Variants in PIP5K1B observed in about 807,000 individuals in gnomAD.
The protein encoded by PIP5K1B is phosphatidylinositol 4-phosphate 5-kinase type-1 beta.
PIP5K1B carries 42 observed loss-of-function variants against 67.0 expected under a neutral mutation model. That is an observed-to-expected ratio of 0.63 (90% CI 0.49 to 0.81). PIP5K1B has a LOEUF of 0.81. PIP5K1B is among the 30% of genes least tolerant of loss of function. The pLI is 0.00. For synonymous variants in PIP5K1B, 214 were observed against 231.4 expected (o/e 0.92, Z 0.68); for missense variants, 459 against 646.3 (o/e 0.71, Z 3.14).
chr9:68,930,599 AT>A (rs899605853), intron 12 of PIP5K1B, among the ~76,000 whole-genome samples: 20 of 149,452 alleles, frequency 1.3e-4, no homozygotes, highest in African/African-American at 3.2e-4. Flanking sequence ...TTTTATTATT[AT>A]TTTTTTTTTT....
chr9:68,751,861 G>A (rs1285315475), intron 2 of PIP5K1B, among the ~76,000 whole-genome samples: 2 of 152,146 alleles, frequency 1.3e-5, no homozygotes, highest in Admixed American at 1.3e-4. Flanking sequence ...TTACTTTAAA[G>A]TGTTTAGTTT....
intron 14 of PIP5K1B, among the ~76,000 whole-genome samples, chr9:68,989,258 A>G (rs1587769344): frequency 6.6e-6 from 1 of 152,210 alleles, no homozygotes; most frequent in South Asian, 2.1e-4. Flanking sequence ...CAGACGCGGG[A>G]AAGACAGAGA....
intron 14 of PIP5K1B, among the ~76,000 whole-genome samples, chr9:68,954,426 A>T (rs1828270518): frequency 1.3e-5 from 2 of 152,210 alleles, no homozygotes; most frequent in African/African-American, 4.8e-5. Flanking sequence ...CGAAGATTCT[A>T]AGGTTTGCAG....
chr9:68,937,109 G>C (rs544253581), intron 13 of PIP5K1B, among the ~76,000 whole-genome samples: 1 of 152,230 alleles, frequency 6.6e-6, no homozygotes, highest in African/African-American at 2.4e-5. Context: ...TGGTATCAGG[G>C]TGATGCTGGC....
chr9:68,999,058 C>G (rs1202318679), intron 15 of PIP5K1B, among the ~76,000 whole-genome samples: 1 of 152,150 alleles, frequency 6.6e-6, no homozygotes, highest in East Asian at 1.9e-4. Flanking sequence ...CCTTCCCTCC[C>G]TCTTTTAGCC....
At chr9:68,783,082 A>G (rs1831391142) in intron 2 of PIP5K1B, 1 of 166,920 alleles carries the variant, frequency 6.0e-6, no homozygotes, top group Non-Finnish European at 1.5e-5. Flanking sequence ...TTCAGTCTTT[A>G]TACTGCCTCT....
At chr9:68,784,383 AAC>A (rs1458661759) in intron 2 of PIP5K1B, 3 of 167,110 alleles carry the variant, frequency 1.8e-5, no homozygotes, top group Non-Finnish European at 4.4e-5. Context: ...GCTTGTTAAA[AAC>A]ACAGTATAAA....
intron 14 of PIP5K1B, among the ~76,000 whole-genome samples, chr9:68,942,167 G>A (rs886585095): frequency 2.6e-5 from 4 of 152,170 alleles, no homozygotes; most frequent in Admixed American, 2.0e-4. Context: ...TTTAAACCTG[G>A]TATGTAAATT....
chr9:68,708,548 C>CCT (rs56362619), intron 1 of PIP5K1B, among the ~76,000 whole-genome samples: 1 of 148,230 alleles, frequency 6.7e-6, no homozygotes, highest in African/African-American at 2.5e-5. Flanking sequence ...GCCGCCCCCC[C>CCT]GCCCCTTTAG....
intron 2 of PIP5K1B, among the ~76,000 whole-genome samples, chr9:68,812,636 G>A (rs1468569504): frequency 6.6e-6 from 1 of 152,206 alleles, no homozygotes; most frequent in Non-Finnish European, 1.5e-5. Context: ...CTTGGCCATT[G>A]GAATTTCTGC....
In PIP5K1B at chr9:68,732,928, G is replaced by A. The variant is rs540138399; in HGVS notation, c.-242-9573G>A. Reference sequence around the variant, plus strand: ...TGTGGAGGTGGGTTGGGGGGGGGGCGGCGCGGTGGGAGATGATGATGATGA... The same window carrying A: ...TGTGGAGGTGGGTTGGGGGGGGGGCAGCGCGGTGGGAGATGATGATGATGA... On this transcript the variant is annotated intron_variant, in intron 1 of 15. Transcript: ENST00000265382. Among the ~76,000 whole-genome samples, 3 of 146,404 alleles carry A rather than the reference G, an allele frequency of 2.0e-5. No homozygotes were observed. In the East Asian group the frequency reaches 6.1e-4, roughly 30 times the overall value.
chr9:68,932,207 C>T lies in PIP5K1B; in HGVS notation c.1202-2683C>T, dbSNP rs140325035. 2.2e-3 allele frequency among the ~76,000 whole-genome samples: 334 copies of T among 152,212 alleles called. 1 individual carries two copies. The highest frequency in any genetic ancestry group is 7.3e-3 in the African/African-American group (303 of 41,530). ...CCTGATCGCATTTCCTTGGTACTGC[C>T]GAAAACCTTTTGATCATTGCTGTTT... On this transcript the variant is annotated intron_variant, in intron 12 of 15. Transcript: ENST00000265382.
chr9:68,931,976 A>T (rs957951461), intron 12 of PIP5K1B, among the ~76,000 whole-genome samples: 32 of 152,180 alleles, frequency 2.1e-4, no homozygotes, highest in Middle Eastern at 3.2e-3. Flanking sequence ...GAAGAAACTC[A>T]CCACTTGAGA....
intron 6 of PIP5K1B, among the ~76,000 whole-genome samples, chr9:68,887,751 G>A (rs1824551297): frequency 6.6e-6 from 1 of 152,134 alleles, no homozygotes; most frequent in Non-Finnish European, 1.5e-5. Flanking sequence ...GAGGCGGGCA[G>A]GCAGCATCAA....
rs550679334 is a variant in PIP5K1B at position 68,955,959 on chromosome 9, C to A, written c.1502+15169C>A. On this transcript the variant is annotated intron_variant, in intron 14 of 15. Coordinates refer to ENST00000265382, the MANE Select transcript of PIP5K1B (RefSeq NM_003558.4). The stretch of plus-strand genomic sequence containing the variant: ...ACCCATCAACCCTCTACGGTAAGCA[C>A]CAGTGGAGCTGACAAAAGGGACTTG... Among the ~76,000 whole-genome samples the A allele has an allele frequency of 8.5e-5, 13 of 152,274 alleles. No homozygotes were observed. In the South Asian group the frequency reaches 2.7e-3, roughly 32 times the overall value.
intron 2 of PIP5K1B, among the ~76,000 whole-genome samples, chr9:68,753,518 T>TC (rs1829750399): frequency 2.0e-5 from 2 of 98,376 alleles, no homozygotes; most frequent in Non-Finnish European, 4.3e-5. Context: ...TTTGTTTCTT[T>TC]TTTTTTTTTT....
At chr9:68,931,527 C>T (rs1360361461) in intron 12 of PIP5K1B, among the ~76,000 whole-genome samples, 1 of 151,904 alleles carries the variant, frequency 6.6e-6, no homozygotes, top group Non-Finnish European at 1.5e-5. Flanking sequence ...TATGGGTACG[C>T]GGAGAGAAAT....
chr9:68,943,120 TA>T (rs964756942), intron 14 of PIP5K1B, among the ~76,000 whole-genome samples: 44 of 152,218 alleles, frequency 2.9e-4, no homozygotes, highest in African/African-American at 9.6e-4. Flanking sequence ...ACAACTTCGC[TA>T]AAATACCCAG....
chr9:68,841,141 C>T (rs1168448516), intron 4 of PIP5K1B, among the ~76,000 whole-genome samples: 1 of 152,222 alleles, frequency 6.6e-6, no homozygotes, highest in Admixed American at 6.5e-5. Context: ...ATACCTAAGT[C>T]TCCCTGTAAT....
Sources: gnomAD v4.1 joint callset for allele counts (sites outside exome capture counted in the v4.1 genomes callset) on GRCh38, gnomAD v4.1.1 for gene constraint, MANE v1.5 for transcripts, NCBI Gene and HGNC (gene_info 2026-07-23, HGNC 2026-07-21) for gene names.